Variants in CDH4 observed in about 807,000 individuals in gnomAD.
CDH4 encodes cadherin-4.
In CDH4, 33 loss-of-function variants were observed where a neutral mutation model predicts 86.0. The ratio of observed to expected loss-of-function variants is 0.38; its 90% confidence interval spans 0.29 to 0.51. CDH4 has a LOEUF of 0.51. Ranked by LOEUF, CDH4 falls within the 20% of genes least tolerant of loss-of-function variation. The probability of loss-of-function intolerance (pLI) is 0.86; values close to 1 mark genes in which losing one functional copy is unlikely to be tolerated. For synonymous variants in CDH4, 555 were observed against 549.4 expected, an observed-to-expected ratio of 1.01 and a Z score of -0.14; for missense variants, 1,114 against 1,307.4, an observed-to-expected ratio of 0.85 and a Z score of 2.28.
intron 2 of CDH4, among the ~76,000 whole-genome samples, chr20:61,683,871 C>T (rs1057094556): frequency 3.9e-5 from 6 of 152,262 alleles, no homozygotes; most frequent in Admixed American, 1.3e-4. Context: ...TGAGGTGCAC[C>T]GCCTAGCTGG....
At chr20:61,822,596 A>G (rs1383832757) in intron 4 of CDH4, among the ~76,000 whole-genome samples, 1 of 152,206 alleles carries the variant, frequency 6.6e-6, no homozygotes, top group East Asian at 1.9e-4. Context: ...GAGGGACACC[A>G]TGGCGTCATC....
intron 2 of CDH4, among the ~76,000 whole-genome samples, chr20:61,547,650 G>A (rs1276721280): frequency 2.6e-5 from 4 of 152,174 alleles, no homozygotes; most frequent in African/African-American, 9.7e-5. Flanking sequence ...CTTGGCCAAT[G>A]ATGACACAAG....
At chr20:61,805,971 CA>C (rs1257165396) in intron 4 of CDH4, among the ~76,000 whole-genome samples, 1 of 152,224 alleles carries the variant, frequency 6.6e-6, no homozygotes, top group Non-Finnish European at 1.5e-5. Flanking sequence ...GAAAGCTACG[CA>C]GGCCCGCTGG....
chr20:61,862,637 A>G (rs1304984251), intron 6 of CDH4, among the ~76,000 whole-genome samples: 2 of 152,190 alleles, frequency 1.3e-5, no homozygotes, highest in Non-Finnish European at 2.9e-5. Flanking sequence ...TGTCCCCCGC[A>G]GCATCAGAGA....
intron 15 of CDH4, among the ~76,000 whole-genome samples, chr20:61,936,118 T>C (rs1014662106): frequency 4.6e-5 from 7 of 151,790 alleles, no homozygotes; most frequent in Admixed American, 3.3e-4. Context: ...GCCACACTCA[T>C]AACTGCCAGG....
intron 2 of CDH4, among the ~76,000 whole-genome samples, chr20:61,318,445 T>TG (rs1473379110): frequency 6.6e-6 from 1 of 152,196 alleles, no homozygotes; most frequent in Non-Finnish European, 1.5e-5. Context: ...CGTTCTTTTT[T>TG]TTTCTCCTTT....
intron 2 of CDH4, among the ~76,000 whole-genome samples, chr20:61,521,493 C>T (rs889573141): frequency 2.6e-5 from 4 of 152,154 alleles, no homozygotes; most frequent in African/African-American, 4.8e-5. Flanking sequence ...CAGTGAGAAC[C>T]GTGGGACGGC....
intron 4 of CDH4, among the ~76,000 whole-genome samples, chr20:61,789,756 A>G (rs1979071497): frequency 7.9e-5 from 12 of 152,292 alleles, no homozygotes; most frequent in Admixed American, 7.8e-4. Context: ...CCCACTCACC[A>G]TTGCCCCTGG....
At chr20:61,723,077 A>C (rs2145915176) in intron 2 of CDH4, among the ~76,000 whole-genome samples, 2 of 152,170 alleles carry the variant, frequency 1.3e-5, no homozygotes, top group East Asian at 3.9e-4. Flanking sequence ...TTCCTTCTGC[A>C]CAAGGGCAGA....
At chr20:61,495,292 G>A (rs1472532938) in intron 2 of CDH4, among the ~76,000 whole-genome samples, 1 of 152,218 alleles carries the variant, frequency 6.6e-6, no homozygotes, top group African/African-American at 2.4e-5. Context: ...CACCTGAGGG[G>A]GAGCCGAACA....
At chr20:61,537,950 G>C (rs904622647) in intron 2 of CDH4, among the ~76,000 whole-genome samples, 2 of 152,214 alleles carry the variant, frequency 1.3e-5, no homozygotes, top group Non-Finnish European at 2.9e-5. Context: ...CTACCACCGG[G>C]TCATGGTGGG....
chr20:61,547,287 A>G (rs1431599704), intron 2 of CDH4, among the ~76,000 whole-genome samples: 2 of 133,184 alleles, frequency 1.5e-5, no homozygotes, highest in African/African-American at 5.8e-5. Flanking sequence ...ATCTCGGCTC[A>G]CTGCAAGCTC....
At chr20:61,692,257 G>C (rs984024005) in intron 2 of CDH4, among the ~76,000 whole-genome samples, 3 of 151,700 alleles carry the variant, frequency 2.0e-5, no homozygotes, top group Non-Finnish European at 4.4e-5. Flanking sequence ...GTGTATGTGT[G>C]TGTCTGTATG....
intron 4 of CDH4, among the ~76,000 whole-genome samples, chr20:61,796,889 C>A (rs944055378): frequency 2.6e-5 from 4 of 152,198 alleles, no homozygotes; most frequent in Non-Finnish European, 2.9e-5. Flanking sequence ...TCTCCCACTC[C>A]ATCGAGAAAT....
chr20:61,823,584 C>T (rs1404861832), intron 4 of CDH4, among the ~76,000 whole-genome samples: 3 of 152,118 alleles, frequency 2.0e-5, no homozygotes, highest in African/African-American at 7.2e-5. Flanking sequence ...TTAAGAAGGT[C>T]AAAACTTGTC....
chr20:61,300,982 A>T lies in CDH4; in HGVS notation c.169+46045A>T, dbSNP rs149466801. On this transcript the variant is annotated intron_variant, in intron 2 of 15. Transcript: ENST00000614565. Reference sequence around the variant, plus strand: ...GGCAGCAGGGCCCTCCCACCTCCTCACATGAGCTGCTGGGCAGCCGTGGAC... The same window carrying T: ...GGCAGCAGGGCCCTCCCACCTCCTCTCATGAGCTGCTGGGCAGCCGTGGAC... Among the ~76,000 whole-genome samples the T allele has an allele frequency of 2.4e-3, 358 of 152,166 alleles. 2 individuals carry two copies. The highest frequency in any genetic ancestry group is 8.2e-3 in the African/African-American group (340 of 41,540).
chr20:61,723,259 C>A (rs2088063068), intron 2 of CDH4, among the ~76,000 whole-genome samples: 1 of 152,208 alleles, frequency 6.6e-6, no homozygotes, highest in Admixed American at 6.5e-5. Flanking sequence ...TGGCTGCTCC[C>A]CTGCCCAAGG....
intron 4 of CDH4, among the ~76,000 whole-genome samples, chr20:61,794,335 A>G (rs1979406872): frequency 6.6e-6 from 1 of 151,948 alleles, no homozygotes; most frequent in African/African-American, 2.4e-5. Context: ...TGTTATCAAG[A>G]CACCCGCCTG....
At chr20:61,358,996 G>A (rs1047639713) in intron 2 of CDH4, among the ~76,000 whole-genome samples, 2 of 152,048 alleles carry the variant, frequency 1.3e-5, no homozygotes, top group Admixed American at 6.5e-5. Flanking sequence ...CAGCATTCAC[G>A]TCCTTATGCT....
Sources: gnomAD v4.1 joint callset for allele counts (sites outside exome capture counted in the v4.1 genomes callset) on GRCh38, gnomAD v4.1.1 for gene constraint, MANE v1.5 for transcripts, NCBI Gene and HGNC (gene_info 2026-07-23, HGNC 2026-07-21) for gene names.